YBEY: variants seen among roughly 807,000 people sequenced by gnomAD.
The protein encoded by YBEY is ybeY metalloendoribonuclease.
In YBEY, 15 loss-of-function variants were observed where a neutral mutation model predicts 13.5. That is an observed-to-expected ratio of 1.11 (90% CI 0.75 to 1.72). YBEY has a LOEUF of 1.72. Among genes scored for constraint, YBEY ranks in the 40% most tolerant of loss-of-function variants. The pLI is 0.00. For missense variants in YBEY, 244 were observed against 208.4 expected, an observed-to-expected ratio of 1.17 and a Z score of -1.05; for synonymous variants, 101 against 83.1, an observed-to-expected ratio of 1.21 and a Z score of -1.17.
At chr21:46,301,877 G>A (rs927380444), downstream of YBEY, 60 of 1,325,412 alleles carry the variant, frequency 4.5e-5, no homozygotes, top group Middle Eastern at 1.4e-3. Context: ...CCACACTCGC[G>A]TAGCCACTCC....
Position 46,297,657 on chromosome 21 carries a change from G to A in YBEY, c.*23G>A, listed in dbSNP as rs1468630113. 7.8e-7 allele frequency: 1 copy of A among 1,288,348 alleles called. No individual in the cohort carries two copies. The allele number at this position is 1,288,348 out of a possible 1,614,324, so 79.8% of individuals were successfully genotyped here. The stretch of plus-strand genomic sequence containing the variant: ...TGAGGGCCGCGTTCCTTCTGAAAGC[G>A]GGACGCGGGAGGGGTGGAGGCTGCG... On this transcript the variant is annotated 3_prime_UTR_variant, in exon 5 of 5. Coordinates refer to ENST00000397701, the MANE Select transcript of YBEY (RefSeq NM_001314025.2).
At chr21:46,309,415 T>C in the YBEY span, among the ~76,000 whole-genome samples, 2 of 151,106 alleles carry the variant, frequency 1.3e-5, no homozygotes, top group Non-Finnish European at 2.9e-5. Flanking sequence ...TGAGCCGAGA[T>C]TGCGCCACTT....
the YBEY span, among the ~76,000 whole-genome samples, chr21:46,306,956 C>T: frequency 1.3e-5 from 2 of 151,596 alleles, no homozygotes; most frequent in South Asian, 2.1e-4. Flanking sequence ...AGTGCAGTGG[C>T]GTGATCTCAG....
At chr21:46,298,549 C>T (rs537209462), downstream of YBEY, among the ~76,000 whole-genome samples, 895 of 150,956 alleles carry the variant, frequency 5.9e-3, 3 homozygotes, top group Non-Finnish European at 9.0e-3. Context: ...CCTGCTTCAT[C>T]CTCCCGAGTA....
chr21:46,286,687 C>T (rs937523329), intron 1 of YBEY, 183 bp from the exon 2 acceptor site: 2 of 426,612 alleles, frequency 4.7e-6, no homozygotes, highest in Non-Finnish European at 8.2e-6. Context: ...TCCTTCTGGC[C>T]GGATTCCGCG....
rs756010694 is a variant in YBEY, at chr21:46,291,440, A to G, written c.317A>G (p.Glu106Gly). The G allele has an allele frequency of 1.2e-6, 2 of 1,614,120 alleles. No individual in the cohort carries two copies. The highest frequency in any genetic ancestry group is 1.7e-6 in the Non-Finnish European group (2 of 1,180,000). Residue 106 changes from glutamate to glycine, a missense_variant, in exon 3 of 5, where the codon GAA becomes GGA. By Grantham distance (98) the Glu-to-Gly change is moderately conservative. Coordinates refer to ENST00000397701, the MANE Select transcript of YBEY (RefSeq NM_001314025.2). ...EYIFHQCKEN[E>G]DYNDVLTVTA... is the part of the protein sequence containing the mutation. Reference sequence around the variant, plus strand: ...ATCTTCCATCAGTGTAAAGAAAATGAAGATTACAATGACGTCCTGACTGTA... The same window carrying G: ...ATCTTCCATCAGTGTAAAGAAAATGGAGATTACAATGACGTCCTGACTGTA...
chr21:46,308,536 C>T, the YBEY span, among the ~76,000 whole-genome samples: 3 of 152,198 alleles, frequency 2.0e-5, no homozygotes, highest in African/African-American at 7.2e-5. Flanking sequence ...TGAAAGCATA[C>T]ATCCACAGAA....
rs548827418 is a variant in YBEY at position 46,297,470 on chromosome 21, G to A, written c.409-69G>A. ...AACCCTGTGGGAGGGGCATCCCGAG[G>A]AGGCGACCCCAGAGAGTGGGGCGCG... On this transcript the variant is annotated intron_variant, in intron 4 of 4. Transcript: ENST00000397701. 191 of 1,291,754 alleles carry A rather than the reference G, an allele frequency of 1.5e-4. No individual in the cohort carries two copies. The African/African-American group carries it at 1.5e-3, about 10-fold the overall frequency. 80.0% of individuals were successfully genotyped at this position (1,291,754 alleles called of 1,614,324 possible). A position where few individuals can be genotyped will look rare whatever the true frequency, so the allele number is the denominator to read the frequency against.
rs2081458309 is a variant in YBEY at position 46,286,888 on chromosome 21, T to G, written c.-26T>G. The G allele has an allele frequency of 1.9e-6, 3 of 1,612,736 alleles. No individual in the cohort carries two copies. Among genetic ancestry groups the G allele is most frequent in the Non-Finnish European group, 2.5e-6 (3 of 1,179,210 alleles). On this transcript the variant is annotated 5_prime_UTR_variant, in exon 2 of 5. Coordinates refer to ENST00000397701, the MANE Select transcript of YBEY (RefSeq NM_001314025.2). ...ACCCCAGGTTCCGTTGCAAACATTTTTAAAGGGCTGGTTATTCTTCCTGAA... is the reference window on the plus strand; with the variant it reads ...ACCCCAGGTTCCGTTGCAAACATTTGTAAAGGGCTGGTTATTCTTCCTGAA...
downstream of YBEY, chr21:46,300,780 A>C (rs1289270038): frequency 7.0e-6 from 9 of 1,289,432 alleles, no homozygotes; most frequent in Non-Finnish European, 8.1e-6. Context: ...AACTTCAGGA[A>C]TGAAAGAATC....
At chr21:46,288,123 G>A (rs2839196) in intron 2 of YBEY, among the ~76,000 whole-genome samples, 79,770 of 152,074 alleles carry the variant, frequency 0.52, 21,711 homozygotes, top group African/African-American at 0.67. Context: ...TATTTTTGCA[G>A]TTTTAAGTGG....
At chr21:46,305,054 G>C in the YBEY span, among the ~76,000 whole-genome samples, 1 of 152,206 alleles carries the variant, frequency 6.6e-6, no homozygotes, top group Non-Finnish European at 1.5e-5. Context: ...CTGGCAGGTG[G>C]GGATGATGTA....
intron 2 of YBEY, among the ~76,000 whole-genome samples, chr21:46,288,194 T>G (rs2081542932): frequency 6.6e-6 from 1 of 152,156 alleles, no homozygotes; most frequent in African/African-American, 2.4e-5. Flanking sequence ...ATAAACAGAC[T>G]GGGGTAAATA....
downstream of YBEY, among the ~76,000 whole-genome samples, chr21:46,298,541 T>C (rs2082026841): frequency 6.7e-6 from 1 of 149,714 alleles, no homozygotes; most frequent in African/African-American, 2.4e-5. Context: ...GCCATTCTCC[T>C]GCTTCATCCT....
chr21:46,302,476 T>A, downstream of YBEY: 1 of 1,595,636 alleles, frequency 6.3e-7, no homozygotes, highest in African/African-American at 1.3e-5. Context: ...TGCTGGGGGC[T>A]AAGCCTACCT....
chr21:46,297,591 C>G lies in YBEY; in HGVS notation c.461C>G (p.Thr154Ser). 2 of 1,382,704 alleles carry G rather than the reference C, an allele frequency of 1.4e-6. No individual in the cohort carries two copies. Among genetic ancestry groups the G allele is most frequent in the Non-Finnish European group, 1.9e-6 (2 of 1,053,624 alleles). 85.7% of individuals were successfully genotyped at this position (1,382,704 alleles called of 1,614,324 possible). ...GACGAGCTGGGCCGACGCACGGGGA[C>G]CCGGCTGCAGCCCCTGACCCGGGGC... is the stretch of plus-strand genomic sequence containing the variant. ...VLDELGRRTGTRLQPLTRGLF... is the reference protein window; with the variant it reads ...VLDELGRRTGSRLQPLTRGLF... The change falls in exon 5 of 5, where the codon ACC becomes AGC. Residue 154 changes from threonine to serine, a missense_variant. Thr to Ser is a moderately conservative substitution (Grantham distance 58). Transcript: ENST00000397701.
intron 3 of YBEY, among the ~76,000 whole-genome samples, chr21:46,292,588 G>A (rs1458954454): frequency 2.2e-5 from 3 of 133,410 alleles, no homozygotes; most frequent in African/African-American, 8.3e-5. Flanking sequence ...TTCCTCCCGC[G>A]GTTAGCCTGA....
At chr21:46,302,117 G>C (rs748817244), downstream of YBEY, 240 of 1,523,038 alleles carry the variant, frequency 1.6e-4, no homozygotes, top group Non-Finnish European at 2.0e-4. Context: ...CCTTGGCCTG[G>C]CAGCTCGTGG....
At chr21:46,311,743 C>T in the YBEY span, 1 of 445,840 alleles carries the variant, frequency 2.2e-6, no homozygotes, top group Non-Finnish European at 4.1e-6. Flanking sequence ...AACCAACCAT[C>T]CACCCACTCA....
Sources: allele counts gnomAD v4.1 joint callset (sites outside exome capture counted in the v4.1 genomes callset), GRCh38; gene constraint gnomAD v4.1.1; transcripts MANE v1.5; gene names NCBI Gene and HGNC (gene_info 2026-07-23, HGNC 2026-07-21).